The following MEGF10 variants were observed in gnomAD, a reference collection of about 807,000 sequenced individuals.
MEGF10 encodes the protein multiple EGF like domains 10.
Under a neutral mutation model 147.5 loss-of-function variants are expected in MEGF10, and 86 were observed. The ratio of observed to expected loss-of-function variants is 0.58; its 90% CI spans 0.49 to 0.70. The LOEUF (loss-of-function observed/expected upper bound fraction) is 0.70. Among genes scored for constraint, MEGF10 ranks in the 30% least tolerant of loss-of-function variants. The probability of loss-of-function intolerance (pLI) is 0.00; values close to 1 mark genes in which losing one functional copy is unlikely to be tolerated. For missense variants in MEGF10, 1,329 were observed against 1,487.3 expected (o/e 0.89, Z 1.75); for synonymous variants, 478 against 525.5 (o/e 0.91, Z 1.24).
chr5:127,441,532 A>G (rs1452582720), intron 18 of MEGF10, among the ~76,000 whole-genome samples: 1 of 152,234 alleles, frequency 6.6e-6, no homozygotes, highest in Admixed American at 6.5e-5. Context: ...TTATAAAAAC[A>G]TTAGTCTTAA....
At chr5:127,359,148 C>T (rs969317475) in intron 4 of MEGF10, among the ~76,000 whole-genome samples, 1 of 151,670 alleles carries the variant, frequency 6.6e-6, no homozygotes, top group African/African-American at 2.4e-5. Context: ...TAGCAGTTCC[C>T]CAAATAAATA....
intron 16 of MEGF10, 79 bp from the exon 17 acceptor site, chr5:127,438,360 G>T (rs1197981305): frequency 2.7e-6 from 4 of 1,468,684 alleles, no homozygotes; most frequent in Middle Eastern, 1.8e-4. Flanking sequence ...GCAGGGAGAT[G>T]TGTAGAGGTG....
At chr5:127,374,504 C>T (rs1372727427) in intron 5 of MEGF10, among the ~76,000 whole-genome samples, 2 of 142,932 alleles carry the variant, frequency 1.4e-5, no homozygotes, top group Non-Finnish European at 3.0e-5. Context: ...TGTTTGCATT[C>T]CTATACATAA....
chr5:127,243,281 C>T, the MEGF10 span, among the ~76,000 whole-genome samples: 6 of 152,062 alleles, frequency 3.9e-5, no homozygotes, highest in Non-Finnish European at 8.8e-5. Flanking sequence ...ATTTCCCTGT[C>T]CTTGTTTGGG....
chr5:127,343,872 G>T (rs1761776580), intron 4 of MEGF10, among the ~76,000 whole-genome samples: 1 of 152,166 alleles, frequency 6.6e-6, no homozygotes, highest in South Asian at 2.1e-4. Flanking sequence ...ATTGAGGAAG[G>T]GGAGCTGAGT....
intron 13 of MEGF10, among the ~76,000 whole-genome samples, chr5:127,429,687 G>A (rs1765332729): frequency 6.6e-6 from 1 of 152,030 alleles, no homozygotes; most frequent in South Asian, 2.1e-4. Context: ...CATCTCTGCT[G>A]ACATTGACTT....
the MEGF10 span, among the ~76,000 whole-genome samples, chr5:127,276,970 C>T: frequency 1.3e-5 from 2 of 152,122 alleles, no homozygotes; most frequent in Non-Finnish European, 2.9e-5. Flanking sequence ...GCAAGCCACA[C>T]ATTCCAGGCA....
chr5:127,390,250 C>A (rs1180263774), intron 5 of MEGF10, among the ~76,000 whole-genome samples: 3 of 152,004 alleles, frequency 2.0e-5, no homozygotes, highest in Non-Finnish European at 4.4e-5. Flanking sequence ...GCAGTTTCAT[C>A]AGGTTCATTC....
At chr5:127,435,551 G>A in intron 16 of MEGF10, 62 bp downstream of exon 16, 1 of 1,490,498 alleles carries the variant, frequency 6.7e-7, no homozygotes, top group Non-Finnish European at 9.1e-7. Context: ...AGATTCTTTA[G>A]GATTGAAGTA....
At chr5:127,413,913 C>G (rs1184017703) in intron 9 of MEGF10, among the ~76,000 whole-genome samples, 4 of 152,266 alleles carry the variant, frequency 2.6e-5, no homozygotes, top group African/African-American at 7.2e-5. Flanking sequence ...TCATTGTCAT[C>G]CAAATTGTCT....
At chr5:127,313,845 A>G (rs1445074034) in intron 1 of MEGF10, among the ~76,000 whole-genome samples, 1 of 152,212 alleles carries the variant, frequency 6.6e-6, no homozygotes, top group East Asian at 1.9e-4. Context: ...AATTGCTGAA[A>G]AAGTAAAGCT....
the MEGF10 span, among the ~76,000 whole-genome samples, chr5:127,239,486 C>T: frequency 0.011 from 1,494 of 135,754 alleles, 22 homozygotes; most frequent in South Asian, 0.03. Flanking sequence ...AATATATATA[C>T]ACACACACAC....
intron 4 of MEGF10, among the ~76,000 whole-genome samples, chr5:127,355,262 G>A (rs2126828511): frequency 6.6e-6 from 1 of 151,968 alleles, no homozygotes; most frequent in East Asian, 1.9e-4. Flanking sequence ...TTTTGGATTT[G>A]TTTGATTCTC....
chr5:127,447,495 C>T lies in MEGF10; in HGVS notation c.2729-62C>T, dbSNP rs554032287. On this transcript the variant is annotated intron_variant, in intron 20 of 24. Coordinates refer to ENST00000503335, the MANE Select transcript of MEGF10 (RefSeq NM_001256545.2). ...CTGGGCCTGTTTTGTTATTTTGATTCCCTTTTTTCACACACATTTATGGGA... is the reference window on the plus strand; with the variant it reads ...CTGGGCCTGTTTTGTTATTTTGATTTCCTTTTTTCACACACATTTATGGGA... 3.8e-4 allele frequency: 603 copies of T among 1,605,352 alleles called. 2 individuals carry two copies. The African/African-American group carries it at 7.0e-3, about 19-fold the overall frequency.
At chr5:127,281,642 G>A in the MEGF10 span, among the ~76,000 whole-genome samples, 53 of 152,164 alleles carry the variant, frequency 3.5e-4, no homozygotes, top group Admixed American at 2.9e-3. Context: ...TCTTGGAGCA[G>A]GGATGAAGGA....
At chr5:127,366,863 A>G (rs73344992) in intron 4 of MEGF10, among the ~76,000 whole-genome samples, 2 of 152,308 alleles carry the variant, frequency 1.3e-5, no homozygotes, top group African/African-American at 4.8e-5. Context: ...TTAGAAATTT[A>G]CTTATTATCT....
intron 1 of MEGF10, among the ~76,000 whole-genome samples, chr5:127,306,455 T>G (rs981190473): frequency 1.3e-5 from 2 of 152,200 alleles, no homozygotes; most frequent in African/African-American, 4.8e-5. Context: ...GTCTAGGATT[T>G]GGATCCAGCA....
chr5:127,386,416 G>T (rs752690455), intron 5 of MEGF10, among the ~76,000 whole-genome samples: 1 of 152,174 alleles, frequency 6.6e-6, no homozygotes, highest in African/African-American at 2.4e-5. Flanking sequence ...AGTGGGGATT[G>T]CTAAGAAAGT....
At position 127,447,447 on chromosome 5, in the gene MEGF10, G is replaced by A. The variant is rs187172532; in HGVS notation, c.2729-110G>A. ...CCGCCTTGGCCTCCCAAAGTGCTGG[G>A]ATTACAGGCGTGAGCCACCTCGCTG... On this transcript the variant is annotated intron_variant, in intron 20 of 24. Coordinates refer to ENST00000503335, the MANE Select transcript of MEGF10 (RefSeq NM_001256545.2). The A allele has an allele frequency of 3.8e-5, 56 of 1,455,092 alleles. No individual in the cohort carries two copies. The African/African-American group carries it at 7.5e-4, about 20-fold the overall frequency. The allele number at this position is 1,455,092 out of a possible 1,614,324, so 90.1% of individuals were successfully genotyped here.
Sources: gnomAD v4.1 joint callset for allele counts (sites outside exome capture counted in the v4.1 genomes callset) on GRCh38, gnomAD v4.1.1 for gene constraint, MANE v1.5 for transcripts, NCBI Gene and HGNC (gene_info 2026-07-23, HGNC 2026-07-21) for gene names.